WFDC10B: variants seen among roughly 807,000 people sequenced by gnomAD.
The protein encoded by WFDC10B is protein WFDC10B.
WFDC10B carries 1 observed loss-of-function variant against 2.7 expected under a neutral mutation model. The ratio of observed to expected loss-of-function variants is 0.38; its 90% CI spans 0.13 to 1.79. WFDC10B has a LOEUF of 1.79. WFDC10B is among the 40% of genes most tolerant of loss of function. The pLI is 0.33. For synonymous variants in WFDC10B, 26 were observed against 32.2 expected, an observed-to-expected ratio of 0.81 and a Z score of 0.65; for missense variants, 71 against 87.8, an observed-to-expected ratio of 0.81 and a Z score of 0.76.
intron 2 of WFDC10B, among the ~76,000 whole-genome samples, chr20:45,696,285 CA>C (rs368423161): frequency 0.013 from 611 of 48,188 alleles, 2 homozygotes; most frequent in African/African-American, 0.035. Flanking sequence ...GACTCCGTCT[CA>C]AAAAAAAAAA....
chr20:45,696,250 C>T (rs573839230), intron 2 of WFDC10B, among the ~76,000 whole-genome samples: 1 of 143,446 alleles, frequency 7.0e-6, no homozygotes, highest in Admixed American at 7.1e-5. Context: ...CGCGCCACTG[C>T]ACTCCAGCCT....
In WFDC10B at chr20:45,704,560, G is replaced by C. The variant is rs769165977; in HGVS notation, c.-128C>G. 2 of 1,614,152 alleles carry C rather than the reference G, an allele frequency of 1.2e-6. No homozygotes were observed. The highest frequency in any genetic ancestry group is 1.7e-6 in the Non-Finnish European group (2 of 1,180,032). On this transcript the variant is annotated splice_region_variant and 5_prime_UTR_variant, in exon 2 of 4. Transcript: ENST00000330523. ...GTGCTGTTCCTCCTTCTGTGGGATA[G>C]TCTGTTCATCAGAAACATTTCAAAA...
At chr20:45,698,797 T>C (rs2145641327) in intron 2 of WFDC10B, among the ~76,000 whole-genome samples, 1 of 151,898 alleles carries the variant, frequency 6.6e-6, no homozygotes, top group Non-Finnish European at 1.5e-5. Flanking sequence ...TGAAACCCTG[T>C]CTCTACTAAA....
Position 45,684,670 on chromosome 20 carries a change from G to T in WFDC10B, c.*160C>A. 1.0e-6 allele frequency: 1 copy of T among 968,192 alleles called. No homozygotes were observed. Among genetic ancestry groups the T allele is most frequent in the Non-Finnish European group, 1.5e-6 (1 of 663,730 alleles). 60.0% of individuals were successfully genotyped at this position (968,192 alleles called of 1,614,324 possible). A position where few individuals can be genotyped will look rare whatever the true frequency, so the allele number is the denominator to read the frequency against. On this transcript the variant is annotated 3_prime_UTR_variant, in exon 4 of 4. Coordinates refer to ENST00000330523, the MANE Select transcript of WFDC10B (RefSeq NM_172006.2). ...GCAGGATCCATGGGCATTTGTTCTG[G>T]TTTATTTGACAGGGACAGGGAGTTC...
In WFDC10B at chr20:45,686,057, C is replaced by T. The variant is rs548751948; in HGVS notation, c.-64-1G>A. On this transcript the variant is annotated splice_acceptor_variant, in intron 2 of 3. Transcript: ENST00000330523. LOFTEE classifies it low-confidence loss of function (5UTR_SPLICE). Reference sequence around the variant, plus strand: ...GTCACAGACTTCCCTGCAGAGCTGCCTGTGGAGAGGGAAGGAAATAAAGAA... The same window carrying T: ...GTCACAGACTTCCCTGCAGAGCTGCTTGTGGAGAGGGAAGGAAATAAAGAA... 7.6e-5 allele frequency: 120 copies of T among 1,578,068 alleles called. 5 individuals are homozygous for T. The South Asian group carries it at 1.1e-3, about 14-fold the overall frequency.
At chr20:45,690,847 C>G (rs1983789825) in intron 2 of WFDC10B, among the ~76,000 whole-genome samples, 2 of 151,990 alleles carry the variant, frequency 1.3e-5, no homozygotes, top group South Asian at 4.2e-4. Flanking sequence ...CAGTTCTGCT[C>G]CGATTTTAGT....
chr20:45,686,018 A>G lies in WFDC10B; in HGVS notation c.-26T>C, dbSNP rs373065573. 9.9e-6 allele frequency: 16 copies of G among 1,611,246 alleles called. No individual in the cohort carries two copies. Among genetic ancestry groups the G allele is most frequent in the Admixed American group, 1.7e-5 (1 of 59,504 alleles). On this transcript the variant is annotated 5_prime_UTR_variant, in exon 3 of 4. Coordinates refer to ENST00000330523, the MANE Select transcript of WFDC10B (RefSeq NM_172006.2). Reference sequence around the variant, plus strand: ...AACTCTGACCAGAGCGTGAGCCCTAAGTCTGGCCAGGCAGTCACAGACTTC... The same window carrying G: ...AACTCTGACCAGAGCGTGAGCCCTAGGTCTGGCCAGGCAGTCACAGACTTC...
At chr20:45,691,631 T>G (rs1404947042) in intron 2 of WFDC10B, among the ~76,000 whole-genome samples, 2 of 151,972 alleles carry the variant, frequency 1.3e-5, no homozygotes, top group African/African-American at 4.8e-5. Flanking sequence ...TGGTTTAAAG[T>G]CTGTTTTATC....
chr20:45,685,925 T>C lies in WFDC10B; in HGVS notation c.68A>G (p.Tyr23Cys). The C allele has an allele frequency of 2.5e-6, 4 of 1,614,084 alleles. No homozygotes were observed. Among genetic ancestry groups the C allele is most frequent in the Non-Finnish European group, 3.4e-6 (4 of 1,180,030 alleles). Residue 23 changes from tyrosine (Y) to cysteine (C), a missense_variant, in exon 3 of 4, where the codon TAC (tyrosine) becomes TGC (cysteine). Tyr to Cys is a radical substitution (Grantham distance 194, BLOSUM62 -2). Coordinates refer to ENST00000330523, the MANE Select transcript of WFDC10B (RefSeq NM_172006.2). ...ACTCTGCATCCTCATCTTGTCACGG[T>C]ATCCTCCCTGGGCCTGCAGCAGCAG... is the stretch of plus-strand genomic sequence containing the variant. ...CVLLLQAQGGYRDKMRMQRIK... is the reference protein window; with the variant it reads ...CVLLLQAQGGCRDKMRMQRIK...
chr20:45,688,652 G>A (rs1305491025), intron 2 of WFDC10B, among the ~76,000 whole-genome samples: 1 of 151,360 alleles, frequency 6.6e-6, no homozygotes, highest in Non-Finnish European at 1.5e-5. Flanking sequence ...TTTGAGAAGT[G>A]TCTGTTCATG....
Position 45,684,659 on chromosome 20 carries a change from C to A in WFDC10B, c.*171G>T. 1.2e-6 allele frequency: 1 copy of A among 819,630 alleles called. No individual in the cohort carries two copies. Among genetic ancestry groups the A allele is most frequent in the Non-Finnish European group, 1.8e-6 (1 of 541,182 alleles). 50.8% of individuals were successfully genotyped at this position (819,630 alleles called of 1,614,324 possible). Reference sequence around the variant, plus strand: ...CAGCAAAAGAGGCAGGATCCATGGGCATTTGTTCTGGTTTATTTGACAGGG... The same window carrying A: ...CAGCAAAAGAGGCAGGATCCATGGGAATTTGTTCTGGTTTATTTGACAGGG... On this transcript the variant is annotated 3_prime_UTR_variant, in exon 4 of 4. Coordinates refer to ENST00000330523, the MANE Select transcript of WFDC10B (RefSeq NM_172006.2).
At chr20:45,703,720 G>A (rs1322568286) in intron 2 of WFDC10B, among the ~76,000 whole-genome samples, 1 of 152,100 alleles carries the variant, frequency 6.6e-6, no homozygotes, top group Non-Finnish European at 1.5e-5. Context: ...TTGGGGGTAG[G>A]GGAGGAAATA....
chr20:45,704,687 CTTTTT>C, intron 1 of WFDC10B, 126 bp from the exon 2 acceptor site: 1 of 1,333,312 alleles, frequency 7.5e-7, no homozygotes, highest in South Asian at 1.5e-5. Context: ...TGGATCTCTC[CTTTTT>C]TTTTTTTTTC....
chr20:45,703,991 C>T (rs1158637488), intron 2 of WFDC10B, among the ~76,000 whole-genome samples: 4 of 152,170 alleles, frequency 2.6e-5, no homozygotes, highest in Admixed American at 2.6e-4. Context: ...ACTCATTCTT[C>T]CTGTACACAA....
At chr20:45,686,980 T>C (rs1983641261) in intron 2 of WFDC10B, among the ~76,000 whole-genome samples, 1 of 152,210 alleles carries the variant, frequency 6.6e-6, no homozygotes, top group African/African-American at 2.4e-5. Context: ...ATTATTCTTA[T>C]CAATTCATTA....
chr20:45,685,826 C>T, intron 3 of WFDC10B, 76 bp downstream of exon 3: 1 of 1,578,610 alleles, frequency 6.3e-7, no homozygotes, highest in South Asian at 1.2e-5. Flanking sequence ...AGTCCTAGGT[C>T]CTACTCAGAC....
intron 2 of WFDC10B, among the ~76,000 whole-genome samples, chr20:45,702,569 C>T (rs1984209760): frequency 6.6e-6 from 1 of 152,182 alleles, no homozygotes; most frequent in South Asian, 2.1e-4. Context: ...TTCATGGATG[C>T]TTGGACTCAC....
intron 2 of WFDC10B, among the ~76,000 whole-genome samples, chr20:45,686,940 C>T (rs568919927): frequency 4.9e-4 from 75 of 152,270 alleles, no homozygotes; most frequent in Non-Finnish European, 8.7e-4. Flanking sequence ...GGATTACAGG[C>T]GTGAGCCACC....
intron 2 of WFDC10B, among the ~76,000 whole-genome samples, chr20:45,697,379 A>ATT (rs869059383): frequency 0.019 from 2,137 of 113,942 alleles, 115 homozygotes; most frequent in African/African-American, 0.034. Flanking sequence ...ACATCCCATC[A>ATT]TTTTTTTTTT....
Sources: allele counts gnomAD v4.1 joint callset (sites outside exome capture counted in the v4.1 genomes callset), GRCh38; gene constraint gnomAD v4.1.1; transcripts MANE v1.5; gene names NCBI Gene and HGNC (gene_info 2026-07-23, HGNC 2026-07-21).